CAAP1: variants seen among roughly 807,000 people sequenced by gnomAD.
The protein encoded by CAAP1 is caspase activity and apoptosis inhibitor 1.
In CAAP1, 20 loss-of-function variants were observed where a neutral mutation model predicts 34.0. That is an observed-to-expected ratio of 0.59 (90% CI 0.41 to 0.86). CAAP1 has a LOEUF of 0.86. Ranked by LOEUF, CAAP1 falls within the 40% of genes least tolerant of loss-of-function variation. The probability of loss-of-function intolerance (pLI) is 0.00; values close to 1 mark genes in which losing one functional copy is unlikely to be tolerated. For synonymous variants in CAAP1, 213 were observed against 166.7 expected, an observed-to-expected ratio of 1.28 and a Z score of -2.14; for missense variants, 538 against 450.5, an observed-to-expected ratio of 1.19 and a Z score of -1.76.
chr9:26,856,460 G>A (rs1351255385), intron 5 of CAAP1, among the ~76,000 whole-genome samples: 1 of 152,070 alleles, frequency 6.6e-6, no homozygotes, highest in African/African-American at 2.4e-5. Context: ...AAACAATTTA[G>A]GAAAACAGTT....
chr9:26,883,327 C>T (rs1439894528), intron 4 of CAAP1, among the ~76,000 whole-genome samples: 1 of 152,168 alleles, frequency 6.6e-6, no homozygotes, highest in Non-Finnish European at 1.5e-5. Context: ...TCCATCAGAT[C>T]TTTCACTTGG....
At chr9:26,858,415 TTTTCC>T in intron 5 of CAAP1, among the ~76,000 whole-genome samples, 1 of 152,356 alleles carries the variant, frequency 6.6e-6, no homozygotes, top group African/African-American at 2.4e-5. Flanking sequence ...CTGGAAGATG[TTTTCC>T]ATAAATAAAT....
At chr9:26,891,117 G>C (rs1823894194) in intron 1 of CAAP1, among the ~76,000 whole-genome samples, 1 of 152,160 alleles carries the variant, frequency 6.6e-6, no homozygotes, top group African/African-American at 2.4e-5. Flanking sequence ...AAAAGTATGT[G>C]ATCATCTCAA....
intron 4 of CAAP1, among the ~76,000 whole-genome samples, chr9:26,871,137 C>A (rs1329073464): frequency 6.6e-6 from 1 of 152,154 alleles, no homozygotes; most frequent in East Asian, 1.9e-4. Context: ...ACCATTGACC[C>A]TCTGAAAGTT....
At chr9:26,872,866 T>A (rs1823314813) in intron 4 of CAAP1, among the ~76,000 whole-genome samples, 1 of 152,256 alleles carries the variant, frequency 6.6e-6, no homozygotes, top group African/African-American at 2.4e-5. Context: ...CTTTTTTAAG[T>A]TAATAATTTG....
At chr9:26,881,682 T>C (rs1054499359) in intron 4 of CAAP1, among the ~76,000 whole-genome samples, 4 of 152,200 alleles carry the variant, frequency 2.6e-5, no homozygotes, top group African/African-American at 9.7e-5. Flanking sequence ...AACAGACTAA[T>C]ACAGTAAATT....
chr9:26,876,225 C>G (rs184846740), intron 4 of CAAP1, among the ~76,000 whole-genome samples: 3 of 152,256 alleles, frequency 2.0e-5, no homozygotes, highest in Admixed American at 6.5e-5. Context: ...TCATTTTAAT[C>G]TCTGCTTCCA....
chr9:26,864,202 A>G (rs916025262), intron 4 of CAAP1, among the ~76,000 whole-genome samples: 1 of 152,194 alleles, frequency 6.6e-6, no homozygotes, highest in Non-Finnish European at 1.5e-5. Context: ...CATCAGTCCA[A>G]CTTACTTTAT....
At chr9:26,886,574 T>G (rs1587129224) in intron 2 of CAAP1, among the ~76,000 whole-genome samples, 1 of 152,174 alleles carries the variant, frequency 6.6e-6, no homozygotes, top group East Asian at 1.9e-4. Flanking sequence ...TCTACAACTG[T>G]AAAATTAAAA....
intron 3 of CAAP1, among the ~76,000 whole-genome samples, 189 bp from the exon 4 acceptor site, chr9:26,885,074 CTTTTTTTTTT>C (rs397893644): frequency 1.7e-5 from 2 of 116,914 alleles, no homozygotes; most frequent in African/African-American, 6.4e-5. Context: ...TTTCTCATTG[CTTTTTTTTTT>C]TTTTTTTTTT....
chr9:26,842,106 C>G lies in CAAP1; in HGVS notation c.*195G>C, dbSNP rs548071913. 3 of 498,022 alleles carry G rather than the reference C, an allele frequency of 6.0e-6. No individual in the cohort carries two copies. In the South Asian group the frequency reaches 1.1e-4, roughly 18 times the overall value. 30.9% of individuals were successfully genotyped at this position (498,022 alleles called of 1,614,324 possible). A position where few individuals can be genotyped will look rare whatever the true frequency, so the allele number is the denominator to read the frequency against. ...ACTATATTGCCATGAATTCATAAGA[C>G]AGTAACACACATTTATAATATAAAA... is the stretch of plus-strand genomic sequence containing the variant. On this transcript the variant is annotated 3_prime_UTR_variant, in exon 6 of 6. Transcript: ENST00000333916.
At chr9:26,891,151 T>A (rs1823894746) in intron 1 of CAAP1, among the ~76,000 whole-genome samples, 1 of 152,146 alleles carries the variant, frequency 6.6e-6, no homozygotes, top group Non-Finnish European at 1.5e-5. Context: ...AACCACCTGA[T>A]AAAATCTCTA....
intron 3 of CAAP1, among the ~76,000 whole-genome samples, chr9:26,885,381 A>G (rs1331268030): frequency 6.6e-6 from 1 of 151,876 alleles, no homozygotes; most frequent in East Asian, 1.9e-4. Context: ...GGCCTCATTG[A>G]CTTCTTTTTC....
At chr9:26,862,372 A>T (rs1465601786) in intron 4 of CAAP1, among the ~76,000 whole-genome samples, 1 of 152,072 alleles carries the variant, frequency 6.6e-6, no homozygotes, top group Non-Finnish European at 1.5e-5. Flanking sequence ...CACATCCTAG[A>T]ATTGCATTTA....
intron 2 of CAAP1, among the ~76,000 whole-genome samples, 178 bp from the exon 3 acceptor site, chr9:26,886,366 A>T (rs190766037): frequency 7.0e-4 from 107 of 152,336 alleles, no homozygotes; most frequent in Non-Finnish European, 1.4e-3. Context: ...GCCAGTTAAT[A>T]TGTGAACACT....
At chr9:26,863,772 T>TAAAAA (rs57763346) in intron 4 of CAAP1, among the ~76,000 whole-genome samples, 12 of 111,936 alleles carry the variant, frequency 1.1e-4, no homozygotes, top group Admixed American at 1.0e-4. Flanking sequence ...CCGTTTAAAT[T>TAAAAA]AAAAAAAAAA....
intron 5 of CAAP1, among the ~76,000 whole-genome samples, chr9:26,859,904 A>G (rs562493349): frequency 6.6e-6 from 1 of 152,360 alleles, no homozygotes; most frequent in South Asian, 2.1e-4. Flanking sequence ...CTCTCTCTAC[A>G]TATAAATTGA....
intron 4 of CAAP1, among the ~76,000 whole-genome samples, chr9:26,862,112 T>G (rs1250457677): frequency 2.0e-5 from 3 of 152,156 alleles, no homozygotes; most frequent in Admixed American, 6.5e-5. Context: ...ATCTCAGTGT[T>G]TTATACTTCT....
At chr9:26,844,568 G>T (rs1403913909) in intron 5 of CAAP1, among the ~76,000 whole-genome samples, 1 of 152,210 alleles carries the variant, frequency 6.6e-6, no homozygotes, top group African/African-American at 2.4e-5. Flanking sequence ...ATGAAGAGCT[G>T]AATAATATAA....
Sources: gnomAD v4.1 joint callset for allele counts (sites outside exome capture counted in the v4.1 genomes callset) on GRCh38, gnomAD v4.1.1 for gene constraint, MANE v1.5 for transcripts, NCBI Gene and HGNC (gene_info 2026-07-23, HGNC 2026-07-21) for gene names.